Variants in KCNIP4 observed in about 807,000 individuals in gnomAD.
KCNIP4 encodes the protein potassium voltage-gated channel interacting protein 4.
In KCNIP4, 12 loss-of-function variants were observed where a neutral mutation model predicts 34.0. The observed-to-expected ratio is 0.35, with a 90% CI of 0.23 to 0.57. The LOEUF is 0.57. KCNIP4 is among the 20% of genes least tolerant of loss of function. The probability of loss-of-function intolerance (pLI) is 0.83; values close to 1 mark genes in which losing one functional copy is unlikely to be tolerated. For missense variants in KCNIP4, 238 were observed against 311.7 expected (o/e 0.76, Z 1.78); for synonymous variants, 124 against 102.2 (o/e 1.21, Z -1.29).
At chr4:21,500,575 T>C (rs1006762350) in intron 1 of KCNIP4, among the ~76,000 whole-genome samples, 6 of 152,186 alleles carry the variant, frequency 3.9e-5, no homozygotes, top group African/African-American at 1.4e-4. Flanking sequence ...CATTGCGTTA[T>C]TAGAGATTGA....
At chr4:21,641,207 C>T (rs545364961) in intron 1 of KCNIP4, among the ~76,000 whole-genome samples, 1 of 152,344 alleles carries the variant, frequency 6.6e-6, no homozygotes, top group East Asian at 1.9e-4. Flanking sequence ...GTCCCAAATG[C>T]CCATGGTCCC....
In KCNIP4 at chr4:21,866,944, T is replaced by C. The variant is rs189084789; in HGVS notation, c.61+81627A>G. On this transcript the variant is annotated intron_variant, in intron 1 of 8. Transcript: ENST00000382152. ...CCGCCACCATGCTCAGCTAATTTTT[T>C]GTATTTTTAGTAGAGACAGGGTTTC... is the stretch of plus-strand genomic sequence containing the variant. 2.2e-3 allele frequency among the ~76,000 whole-genome samples: 337 copies of C among 152,058 alleles called. 1 individual carries two copies. The highest frequency in any genetic ancestry group is 7.9e-3 in the African/African-American group (326 of 41,468).
intron 1 of KCNIP4, among the ~76,000 whole-genome samples, chr4:21,771,069 T>C (rs1718750319): frequency 6.6e-6 from 1 of 152,166 alleles, no homozygotes; most frequent in African/African-American, 2.4e-5. Flanking sequence ...GATCTTATGG[T>C]TTTTGGTTTT....
At chr4:21,196,518 G>T (rs1048715244) in intron 1 of KCNIP4, among the ~76,000 whole-genome samples, 1 of 152,064 alleles carries the variant, frequency 6.6e-6, no homozygotes, top group Admixed American at 6.5e-5. Context: ...TCTTACTTTC[G>T]AGGATATCTT....
intron 3 of KCNIP4, among the ~76,000 whole-genome samples, chr4:20,823,569 T>A (rs1717369036): frequency 6.6e-6 from 1 of 152,044 alleles, no homozygotes; most frequent in South Asian, 2.1e-4. Flanking sequence ...ACAAGAAAGC[T>A]TGCTTTCTCT....
At chr4:21,063,422 T>C (rs1212337679) in intron 1 of KCNIP4, among the ~76,000 whole-genome samples, 1 of 152,212 alleles carries the variant, frequency 6.6e-6, no homozygotes, top group Non-Finnish European at 1.5e-5. Context: ...TTTCTTTTCT[T>C]GATATCTTTT....
chr4:20,908,389 C>T (rs1348056666), intron 1 of KCNIP4, among the ~76,000 whole-genome samples: 1 of 152,206 alleles, frequency 6.6e-6, no homozygotes, highest in African/African-American at 2.4e-5. Context: ...ACCACCGCAC[C>T]CGGCCTCGTC....
chr4:21,151,174 T>C (rs1382159686), intron 1 of KCNIP4, among the ~76,000 whole-genome samples: 1 of 152,144 alleles, frequency 6.6e-6, no homozygotes, highest in African/African-American at 2.4e-5. Flanking sequence ...AAGAGTTAAG[T>C]GTAGCTTGTC....
At chr4:20,913,506 G>T (rs1728531383) in intron 1 of KCNIP4, among the ~76,000 whole-genome samples, 1 of 152,098 alleles carries the variant, frequency 6.6e-6, no homozygotes, top group Non-Finnish European at 1.5e-5. Context: ...CCACTGGATT[G>T]TATATTTTAA....
intron 3 of KCNIP4, among the ~76,000 whole-genome samples, chr4:20,823,420 A>G (rs750758280): frequency 6.6e-6 from 1 of 152,080 alleles, no homozygotes; most frequent in Non-Finnish European, 1.5e-5. Flanking sequence ...GGAGTGAATG[A>G]GTGTGTGTGT....
intron 1 of KCNIP4, among the ~76,000 whole-genome samples, chr4:21,885,160 T>C (rs1037635395): frequency 1.7e-4 from 26 of 152,046 alleles, no homozygotes; most frequent in Non-Finnish European, 2.9e-4. Context: ...TGGGGTCCAA[T>C]AAATACAGAA....
chr4:21,124,793 A>G lies in KCNIP4; in HGVS notation c.62-242084T>C, dbSNP rs1414900312. Reference sequence around the variant, plus strand: ...CAACAGATACCTGACCCCAGAATGGACAGGTAAGGGCAGCTTTCTTTTTAT... The same window carrying G: ...CAACAGATACCTGACCCCAGAATGGGCAGGTAAGGGCAGCTTTCTTTTTAT... On this transcript the variant is annotated intron_variant, in intron 1 of 8. Transcript: ENST00000382152. 2.0e-5 allele frequency among the ~76,000 whole-genome samples: 3 copies of G among 152,124 alleles called. No homozygotes were observed. In the East Asian group the frequency reaches 5.8e-4, roughly 29 times the overall value.
At chr4:21,511,570 CTTTG>C (rs1267594585) in intron 1 of KCNIP4, among the ~76,000 whole-genome samples, 1 of 152,190 alleles carries the variant, frequency 6.6e-6, no homozygotes, top group African/African-American at 2.4e-5. Context: ...TAGAGAAAGG[CTTTG>C]TTTGGTAATT....
intron 1 of KCNIP4, among the ~76,000 whole-genome samples, chr4:21,491,129 G>C (rs533899140): frequency 4.6e-5 from 7 of 152,216 alleles, no homozygotes; most frequent in Admixed American, 1.3e-4. Flanking sequence ...TGGCCAGCTA[G>C]TGACCAATCT....
At chr4:20,913,903 C>T (rs1312095054) in intron 1 of KCNIP4, among the ~76,000 whole-genome samples, 2 of 152,192 alleles carry the variant, frequency 1.3e-5, no homozygotes, top group Admixed American at 6.5e-5. Flanking sequence ...TGCCTGTAAT[C>T]CCAGCACTTT....
chr4:21,018,667 G>C (rs1404654121), intron 1 of KCNIP4, among the ~76,000 whole-genome samples: 2 of 152,018 alleles, frequency 1.3e-5, no homozygotes, highest in Non-Finnish European at 2.9e-5. Context: ...CCTTCACTTA[G>C]GGTCAGACTT....
rs16870555 is a variant in KCNIP4, at chr4:21,185,897, C to T, written c.62-303188G>A. Reference sequence around the variant, plus strand: ...TGCCTGGGCACAAATTTTTCCCTCCCTGTCTTAACAAACTGCTTTATTTCT... The same window carrying T: ...TGCCTGGGCACAAATTTTTCCCTCCTTGTCTTAACAAACTGCTTTATTTCT... On this transcript the variant is annotated intron_variant, in intron 1 of 8. Transcript: ENST00000382152. Among the ~76,000 whole-genome samples, 768 of 152,294 alleles carry T rather than the reference C, an allele frequency of 5.0e-3. 3 individuals carry two copies. Among genetic ancestry groups the T allele is most frequent in the African/African-American group, 0.016 (669 of 41,564 alleles).
chr4:21,486,085 T>C (rs1731883402), intron 1 of KCNIP4, among the ~76,000 whole-genome samples: 1 of 152,216 alleles, frequency 6.6e-6, no homozygotes, highest in Non-Finnish European at 1.5e-5. Flanking sequence ...TAGCAGACTA[T>C]CTCAGGACAG....
At chr4:20,991,634 T>G (rs961554785) in intron 1 of KCNIP4, among the ~76,000 whole-genome samples, 7 of 152,180 alleles carry the variant, frequency 4.6e-5, no homozygotes, top group Non-Finnish European at 8.8e-5. Flanking sequence ...CTCCTTCAAT[T>G]AATCCTACCT....
Sources: allele counts gnomAD v4.1 joint callset (sites outside exome capture counted in the v4.1 genomes callset), GRCh38; gene constraint gnomAD v4.1.1; transcripts MANE v1.5; gene names NCBI Gene and HGNC (gene_info 2026-07-23, HGNC 2026-07-21).